SHISA9: variants seen among roughly 807,000 people sequenced by gnomAD.
SHISA9 encodes the protein protein shisa-9.
Under a neutral mutation model 38.0 loss-of-function variants are expected in SHISA9, and 13 were observed. The ratio of observed to expected loss-of-function variants is 0.34; its 90% CI spans 0.22 to 0.54. The LOEUF is 0.54. Among genes scored for constraint, SHISA9 ranks in the 20% least tolerant of loss-of-function variants. The probability of loss-of-function intolerance (pLI) is 0.91; values close to 1 mark genes in which losing one functional copy is unlikely to be tolerated. For missense variants in SHISA9, 538 were observed against 575.8 expected (o/e 0.93, Z 0.67); for synonymous variants, 275 against 242.0 (o/e 1.14, Z -1.27).
At chr16:13,179,498 T>A (rs1403429516) in intron 2 of SHISA9, among the ~76,000 whole-genome samples, 2 of 152,118 alleles carry the variant, frequency 1.3e-5, no homozygotes, top group South Asian at 4.1e-4. Flanking sequence ...AATGTTAAAT[T>A]TATACAGTCA....
At chr16:13,348,810 C>T in the SHISA9 span, among the ~76,000 whole-genome samples, 1 of 151,990 alleles carries the variant, frequency 6.6e-6, no homozygotes, top group African/African-American at 2.4e-5. Flanking sequence ...GGAAGATTCA[C>T]GGAACAACTT....
the SHISA9 span, among the ~76,000 whole-genome samples, chr16:13,504,358 G>A: frequency 7.2e-5 from 11 of 152,036 alleles, no homozygotes; most frequent in South Asian, 2.1e-4. Flanking sequence ...TTTTCTTTTC[G>A]GAGATTTCCA....
chr16:13,429,531 A>G, the SHISA9 span, among the ~76,000 whole-genome samples: 109 of 152,136 alleles, frequency 7.2e-4, no homozygotes, highest in African/African-American at 2.4e-3. Flanking sequence ...TCCTTTCTAT[A>G]AGGACACCAG....
At chr16:13,537,764 C>T in the SHISA9 span, among the ~76,000 whole-genome samples, 5 of 152,200 alleles carry the variant, frequency 3.3e-5, no homozygotes, top group East Asian at 9.6e-4. Flanking sequence ...TCTCAGAAAC[C>T]TCAAGAAACT....
At chr16:13,319,395 C>T in the SHISA9 span, among the ~76,000 whole-genome samples, 4 of 152,132 alleles carry the variant, frequency 2.6e-5, no homozygotes, top group African/African-American at 9.7e-5. Context: ...CTAGAAGACC[C>T]GTTGGAAGAA....
At chr16:13,545,795 C>G in the SHISA9 span, among the ~76,000 whole-genome samples, 8 of 152,122 alleles carry the variant, frequency 5.3e-5, no homozygotes, top group Non-Finnish European at 1.0e-4. Context: ...CCACACCGGT[C>G]CCGATCCGCT....
chr16:13,500,496 T>C, the SHISA9 span, among the ~76,000 whole-genome samples: 1 of 152,100 alleles, frequency 6.6e-6, no homozygotes, highest in Admixed American at 6.6e-5. Context: ...TAGCAGTTAA[T>C]CTGGGTCTTG....
the SHISA9 span, among the ~76,000 whole-genome samples, chr16:13,497,610 G>A: frequency 6.6e-6 from 1 of 151,024 alleles, no homozygotes; most frequent in Non-Finnish European, 1.5e-5. Context: ...GCTTGAACCC[G>A]GCAGGTGGAG....
At chr16:13,344,591 A>G in the SHISA9 span, among the ~76,000 whole-genome samples, 2 of 152,222 alleles carry the variant, frequency 1.3e-5, no homozygotes, top group East Asian at 1.9e-4. Flanking sequence ...TAATATTGAT[A>G]ATAATGATAA....
At chr16:13,189,224 GGGT>G (rs1294662689) in intron 2 of SHISA9, among the ~76,000 whole-genome samples, 1 of 152,186 alleles carries the variant, frequency 6.6e-6, no homozygotes, top group Non-Finnish European at 1.5e-5. Flanking sequence ...GGAGCTACAG[GGGT>G]ATTTAGTGAG....
the SHISA9 span, among the ~76,000 whole-genome samples, chr16:13,310,489 T>G: frequency 6.6e-6 from 1 of 152,160 alleles, no homozygotes; most frequent in African/African-American, 2.4e-5. Context: ...ATTTTTACGT[T>G]ATCATTCCTA....
At chr16:12,938,299 A>C (rs1473680819) in intron 2 of SHISA9, among the ~76,000 whole-genome samples, 1 of 152,218 alleles carries the variant, frequency 6.6e-6, no homozygotes, top group East Asian at 1.9e-4. Flanking sequence ...GACTTACTGC[A>C]ACTCTCCCTG....
At chr16:13,513,413 T>C in the SHISA9 span, among the ~76,000 whole-genome samples, 1 of 152,196 alleles carries the variant, frequency 6.6e-6, no homozygotes, top group Non-Finnish European at 1.5e-5. Flanking sequence ...GTTCAACCAT[T>C]GTCAAAGACA....
chr16:13,239,678 GTTGT>G lies in SHISA9; in HGVS notation c.*4276_*4279del, dbSNP rs1320301311. ...TATCCTTCGCCCACTTTTTGATGGGGTTGTTTGTTTTTTTCTTGTAAATTTGTTT... is the reference window on the plus strand; with the variant it reads ...TATCCTTCGCCCACTTTTTGATGGGGTTGTTTTTTTCTTGTAAATTTGTTT... On this transcript the variant is annotated 3_prime_UTR_variant, in exon 5 of 5. Transcript: ENST00000558583. 1 of 152,148 alleles carries G rather than the reference GTTGT, an allele frequency of 6.6e-6. No homozygotes were observed. The highest frequency in any genetic ancestry group is 2.4e-5 in the African/African-American group (1 of 41,426). The allele number at this position is 152,148 out of a possible 1,614,324, so 9.4% of individuals were successfully genotyped here.
chr16:13,196,263 G>C (rs964189380), intron 2 of SHISA9, among the ~76,000 whole-genome samples: 5 of 150,878 alleles, frequency 3.3e-5, no homozygotes, highest in Non-Finnish European at 7.4e-5. Flanking sequence ...TGGGCGAGGT[G>C]GCGCGTGCCT....
At chr16:13,290,572 A>C in the SHISA9 span, among the ~76,000 whole-genome samples, 1 of 152,306 alleles carries the variant, frequency 6.6e-6, no homozygotes, top group African/African-American at 2.4e-5. Flanking sequence ...CCCTGAATCC[A>C]ACTAAACCAT....
chr16:13,561,378 A>G, the SHISA9 span, among the ~76,000 whole-genome samples: 1 of 152,168 alleles, frequency 6.6e-6, no homozygotes, highest in Non-Finnish European at 1.5e-5. Context: ...CCCCGCATCC[A>G]TTACAATACC....
the SHISA9 span, among the ~76,000 whole-genome samples, chr16:13,372,468 C>G: frequency 1.3e-5 from 2 of 152,134 alleles, no homozygotes; most frequent in Non-Finnish European, 2.9e-5. Context: ...GCAACTTGCC[C>G]TAAAGCAAAA....
At chr16:13,399,624 T>G in the SHISA9 span, among the ~76,000 whole-genome samples, 2 of 152,216 alleles carry the variant, frequency 1.3e-5, no homozygotes, top group Non-Finnish European at 2.9e-5. Flanking sequence ...GTCCGTGGCT[T>G]TCTTGCATTT....
Sources: allele counts gnomAD v4.1 joint callset (sites outside exome capture counted in the v4.1 genomes callset), GRCh38; gene constraint gnomAD v4.1.1; transcripts MANE v1.5; gene names NCBI Gene and HGNC (gene_info 2026-07-23, HGNC 2026-07-21).